The following GNAQ variants were observed in gnomAD, a reference collection of about 807,000 sequenced individuals.
GNAQ encodes the protein G protein subunit alpha q.
GNAQ carries 8 observed loss-of-function variants against 43.9 expected under a neutral mutation model. The observed-to-expected ratio is 0.18, with a 90% confidence interval of 0.11 to 0.33. GNAQ has a LOEUF of 0.33. Among genes scored for constraint, GNAQ ranks in the 10% least tolerant of loss-of-function variants. The pLI is 1.00. For missense variants in GNAQ, 158 were observed against 450.8 expected (o/e 0.35, Z 5.88); for synonymous variants, 155 against 170.7 (o/e 0.91, Z 0.71).
chr9:77,793,706 C>T (rs1826612616), intron 5 of GNAQ, among the ~76,000 whole-genome samples: 1 of 152,114 alleles, frequency 6.6e-6, no homozygotes, highest in African/African-American at 2.4e-5. Context: ...CCCCAACACA[C>T]ACATACACAT....
chr9:77,738,511 T>C (rs574205088), intron 5 of GNAQ, among the ~76,000 whole-genome samples: 65 of 152,322 alleles, frequency 4.3e-4, no homozygotes, highest in Non-Finnish European at 8.2e-4. Context: ...ATAGTTGAAT[T>C]GCCCACATAA....
chr9:77,965,838 CAAA>C (rs34650547), intron 1 of GNAQ, among the ~76,000 whole-genome samples: 16 of 129,936 alleles, frequency 1.2e-4, no homozygotes, highest in Non-Finnish European at 1.6e-4. Context: ...TTACTCCGAG[CAAA>C]AAAAAAAAAA....
intron 5 of GNAQ, among the ~76,000 whole-genome samples, chr9:77,779,945 C>G (rs1478578017): frequency 6.6e-6 from 1 of 151,918 alleles, no homozygotes; most frequent in Admixed American, 6.6e-5. Context: ...GAACAGTAAA[C>G]AGGCCCAGAT....
chr9:77,915,102 T>C (rs1828876180), intron 2 of GNAQ, among the ~76,000 whole-genome samples: 2 of 152,222 alleles, frequency 1.3e-5, no homozygotes, highest in South Asian at 4.1e-4. Context: ...AAAACAGTGT[T>C]GAGAAGAATT....
intron 2 of GNAQ, among the ~76,000 whole-genome samples, chr9:77,907,581 ATTAT>A (rs1219224378): frequency 1.3e-5 from 2 of 152,230 alleles, no homozygotes; most frequent in Non-Finnish European, 2.9e-5. Context: ...CATTTTAAAA[ATTAT>A]TTAAGTCGAT....
chr9:77,928,092 A>T (rs991561524), intron 1 of GNAQ, among the ~76,000 whole-genome samples: 2 of 152,238 alleles, frequency 1.3e-5, no homozygotes, highest in Non-Finnish European at 2.9e-5. Context: ...CCACACCTGC[A>T]AAGAAAAAAG....
chr9:77,790,624 A>G (rs1023371613), intron 5 of GNAQ, among the ~76,000 whole-genome samples: 2 of 151,974 alleles, frequency 1.3e-5, no homozygotes, highest in African/African-American at 4.8e-5. Flanking sequence ...AGTTATTTCA[A>G]CTCCTTCATG....
intron 6 of GNAQ, among the ~76,000 whole-genome samples, chr9:77,725,701 A>G (rs888720614): frequency 6.6e-6 from 1 of 151,954 alleles, no homozygotes; most frequent in Non-Finnish European, 1.5e-5. Context: ...GAAAGGAGGT[A>G]CGTGAAGAGA....
chr9:77,902,148 GCATT>G (rs1461117928), intron 2 of GNAQ, among the ~76,000 whole-genome samples: 3 of 152,142 alleles, frequency 2.0e-5, no homozygotes, highest in Non-Finnish European at 4.4e-5. Flanking sequence ...CCACCTCTTA[GCATT>G]ACATTAAAAC....
chr9:77,948,340 G>C (rs1029581586), intron 1 of GNAQ, among the ~76,000 whole-genome samples: 1 of 152,178 alleles, frequency 6.6e-6, no homozygotes, highest in Admixed American at 6.5e-5. Context: ...AACCTCACTG[G>C]ACTGCAGGCT....
intron 5 of GNAQ, among the ~76,000 whole-genome samples, chr9:77,786,907 T>C (rs1415307667): frequency 6.6e-6 from 1 of 152,176 alleles, no homozygotes; most frequent in Non-Finnish European, 1.5e-5. Context: ...TTATTTGTAA[T>C]AGCCCCAAAT....
chr9:77,860,559 C>A (rs933674977), intron 2 of GNAQ, among the ~76,000 whole-genome samples: 1 of 152,210 alleles, frequency 6.6e-6, no homozygotes. Flanking sequence ...CAACCTAGAT[C>A]CCTCCTGCAC....
intron 1 of GNAQ, among the ~76,000 whole-genome samples, chr9:78,022,946 G>GA (rs1262055359): frequency 1.3e-5 from 2 of 152,324 alleles, no homozygotes; most frequent in African/African-American, 4.8e-5. Context: ...AATACAATCA[G>GA]AAAAAGATGT....
chr9:78,008,565 G>A (rs886742030), intron 1 of GNAQ, among the ~76,000 whole-genome samples: 17 of 148,078 alleles, frequency 1.1e-4, no homozygotes, highest in Admixed American at 3.4e-4. Context: ...CTTAACTATC[G>A]ATTTATTTCA....
intron 1 of GNAQ, among the ~76,000 whole-genome samples, chr9:77,975,567 G>T (rs1823288901): frequency 1.5e-5 from 2 of 132,780 alleles, no homozygotes; most frequent in Admixed American, 8.4e-5. Flanking sequence ...TTGAGACAAG[G>T]TCTCGCTCTC....
At chr9:77,971,931 C>T (rs539433106) in intron 1 of GNAQ, among the ~76,000 whole-genome samples, 45 of 152,176 alleles carry the variant, frequency 3.0e-4, no homozygotes, top group African/African-American at 1.1e-3. Context: ...AATGGGAGTT[C>T]ACTCATGACT....
intron 1 of GNAQ, among the ~76,000 whole-genome samples, chr9:77,952,520 T>A (rs1173326010): frequency 1.3e-5 from 2 of 152,236 alleles, no homozygotes; most frequent in Non-Finnish European, 2.9e-5. Context: ...CAAACTTTAT[T>A]CTTAAGTTTA....
intron 5 of GNAQ, among the ~76,000 whole-genome samples, chr9:77,778,086 A>C (rs759326973): frequency 3.9e-5 from 6 of 152,052 alleles, no homozygotes; most frequent in Admixed American, 1.3e-4. Flanking sequence ...AATCAACTCA[A>C]GTATCCATCA....
intron 1 of GNAQ, among the ~76,000 whole-genome samples, chr9:78,011,196 C>A (rs757302870): frequency 3.3e-5 from 5 of 152,144 alleles, no homozygotes; most frequent in Non-Finnish European, 5.9e-5. Context: ...GTAGCCACTG[C>A]CAGAGAGCAC....
Sources: allele counts gnomAD v4.1 joint callset (sites outside exome capture counted in the v4.1 genomes callset), GRCh38; gene constraint gnomAD v4.1.1; transcripts MANE v1.5; gene names NCBI Gene and HGNC (gene_info 2026-07-23, HGNC 2026-07-21).